Variants in CEMIP2 observed in about 807,000 individuals in gnomAD.
CEMIP2 encodes the protein cell migration inducing hyaluronidase 2, also known as cell surface hyaluronidase CEMIP2.
In CEMIP2, 79 loss-of-function variants were observed where a neutral mutation model predicts 146.9. The ratio of observed to expected loss-of-function variants is 0.54; its 90% CI spans 0.45 to 0.65. The LOEUF is 0.65. CEMIP2 is among the 30% of genes least tolerant of loss of function. The pLI, the probability that CEMIP2 is intolerant of heterozygous loss-of-function variation, is 0.00. For synonymous variants in CEMIP2, 601 were observed against 606.3 expected (o/e 0.99, Z 0.13); for missense variants, 1,596 against 1,696.2 (o/e 0.94, Z 1.04).
At chr9:71,768,179 G>C (rs890216581) in intron 1 of CEMIP2, among the ~76,000 whole-genome samples, 178 bp downstream of exon 1, 1 of 152,196 alleles carries the variant, frequency 6.6e-6, no homozygotes, top group African/African-American at 2.4e-5. Flanking sequence ...GGAGGCGCAC[G>C]GGGGAAGGGC....
At chr9:71,730,558 C>G (rs938342464) in intron 8 of CEMIP2, 147 bp downstream of exon 8, 21 of 816,388 alleles carry the variant, frequency 2.6e-5, no homozygotes, top group Non-Finnish European at 3.5e-5. Context: ...TTCCTTCAGA[C>G]AGAAAAATCG....
chr9:71,692,803 T>C (rs1822271019), intron 21 of CEMIP2, among the ~76,000 whole-genome samples: 1 of 152,030 alleles, frequency 6.6e-6, no homozygotes. Flanking sequence ...TAGTCCCAGC[T>C]ACGTGGGAGG....
intron 6 of CEMIP2, among the ~76,000 whole-genome samples, chr9:71,732,935 C>T (rs1421521511): frequency 6.6e-6 from 1 of 152,030 alleles, no homozygotes; most frequent in Non-Finnish European, 1.5e-5. Flanking sequence ...TGACAGAAAG[C>T]TTGTTCCTTC....
In CEMIP2 at chr9:71,745,592, C is replaced by A; in HGVS notation, c.473-13G>T. On this transcript the variant is annotated splice_polypyrimidine_tract_variant and intron_variant, in intron 3 of 23. Transcript: ENST00000377044. ...AATACAAGCAGTCCTGCAGGGAACA[C>A]CACCCTGTAAGCCAACTTCTAAATC... 6.4e-7 allele frequency: 1 copy of A among 1,564,838 alleles called. No homozygotes were observed. Among genetic ancestry groups the A allele is most frequent in the South Asian group, 1.2e-5 (1 of 86,212 alleles).
intron 7 of CEMIP2, 50 bp from the exon 8 acceptor site, chr9:71,730,964 G>A (rs1489937949): frequency 4.1e-6 from 6 of 1,476,862 alleles, no homozygotes; most frequent in South Asian, 2.3e-5. Flanking sequence ...GAATAGGGAA[G>A]TAGCAAAAAA....
Position 71,694,504 on chromosome 9 carries a change from C to G in CEMIP2, c.3696+5G>C. ...CAGACTAAGACAACACCAGATGGTA[C>G]TTACAGAAATAACAGACGGGTCTCC... On this transcript the variant is annotated splice_donor_5th_base_variant and intron_variant, in intron 21 of 23. Coordinates refer to ENST00000377044, the MANE Select transcript of CEMIP2 (RefSeq NM_013390.3). 6.2e-7 allele frequency: 1 copy of G among 1,608,676 alleles called. No individual in the cohort carries two copies. The highest frequency in any genetic ancestry group is 8.5e-7 in the Non-Finnish European group (1 of 1,175,388).
intron 17 of CEMIP2, among the ~76,000 whole-genome samples, chr9:71,705,711 A>G (rs1303605926): frequency 1.3e-5 from 2 of 150,018 alleles, no homozygotes; most frequent in African/African-American, 2.4e-5. Context: ...TATATACTCA[A>G]TATATAATAT....
At chr9:71,697,053 T>G (rs1421933396) in intron 20 of CEMIP2, among the ~76,000 whole-genome samples, 1 of 152,198 alleles carries the variant, frequency 6.6e-6, no homozygotes, top group Non-Finnish European at 1.5e-5. Context: ...TCAGTGGAAC[T>G]CAAATGTGAA....
intron 17 of CEMIP2, among the ~76,000 whole-genome samples, chr9:71,706,672 T>C (rs1822750313): frequency 6.6e-6 from 1 of 152,176 alleles, no homozygotes; most frequent in South Asian, 2.1e-4. Context: ...GAAACATTTA[T>C]GATCACTTAA....
chr9:71,685,921 T>C, intron 22 of CEMIP2, 75 bp from the exon 23 acceptor site: 1 of 997,824 alleles, frequency 1.0e-6, no homozygotes, highest in East Asian at 2.4e-5. Flanking sequence ...AGTATCTTTC[T>C]GAACTGACTG....
At chr9:71,739,190 C>T (rs1823844555) in intron 5 of CEMIP2, among the ~76,000 whole-genome samples, 1 of 150,304 alleles carries the variant, frequency 6.7e-6, no homozygotes, top group Non-Finnish European at 1.5e-5. Flanking sequence ...ATGTAAATAA[C>T]ATTTCCTACA....
intron 18 of CEMIP2, among the ~76,000 whole-genome samples, chr9:71,702,715 T>G (rs1822607815): frequency 6.6e-6 from 1 of 152,216 alleles, no homozygotes; most frequent in African/African-American, 2.4e-5. Context: ...TAAAAAATTG[T>G]CCATCTCTTC....
At chr9:71,703,016 G>C (rs1049720455) in intron 18 of CEMIP2, among the ~76,000 whole-genome samples, 1 of 152,176 alleles carries the variant, frequency 6.6e-6, no homozygotes. Context: ...ACAATTGTTT[G>C]TTTCTTTCAT....
Position 71,709,408 on chromosome 9 carries a change from T to C in CEMIP2, c.2836A>G (p.Lys946Glu). Residue 946 changes from lysine (K) to glutamate (E), a missense_variant, in exon 17 of 24, where the codon AAG becomes GAG. Physicochemically the swap from Lys to Glu is moderately conservative, Grantham distance 56. Coordinates refer to ENST00000377044, the MANE Select transcript of CEMIP2 (RefSeq NM_013390.3). ...WFEDCEMDGD[K>E]NSIFHDIDGS... is the part of the protein sequence containing the mutation. ...TCAATGTCATGGAATATGGAGTTCT[T>C]ATCACCATCCATCTCACAATCTTCA... 6.2e-7 allele frequency: 1 copy of C among 1,614,172 alleles called. No homozygotes were observed. Among genetic ancestry groups the C allele is most frequent in the Non-Finnish European group, 8.5e-7 (1 of 1,180,016 alleles).
In CEMIP2 at chr9:71,684,106, T is replaced by C. The variant is rs781484552; in HGVS notation, c.*1091A>G. ...TCATTAAGTAAGAGTGACTCATTCCTGCAAGGCTTTAAAGAGGTTCATTTC... is the reference window on the plus strand; with the variant it reads ...TCATTAAGTAAGAGTGACTCATTCCCGCAAGGCTTTAAAGAGGTTCATTTC... On this transcript the variant is annotated 3_prime_UTR_variant, in exon 24 of 24. Transcript: ENST00000377044. The C allele has an allele frequency of 3.9e-5, 6 of 152,242 alleles. No individual in the cohort carries two copies. Among genetic ancestry groups the C allele is most frequent in the Non-Finnish European group, 7.3e-5 (5 of 68,058 alleles). The allele number at this position is 152,242 out of a possible 1,614,324, so 9.4% of individuals were successfully genotyped here.
chr9:71,683,540 A>ACATG lies in CEMIP2; in HGVS notation c.*1656_*1657insCATG, dbSNP rs1821964713. 1 of 52,918 alleles carries ACATG rather than the reference A, an allele frequency of 1.9e-5. No individual in the cohort carries two copies. Among genetic ancestry groups the ACATG allele is most frequent in the Non-Finnish European group, 3.4e-5 (1 of 29,222 alleles). 3.3% of individuals were successfully genotyped at this position (52,918 alleles called of 1,614,324 possible). A position where few individuals can be genotyped will look rare whatever the true frequency, so the allele number is the denominator to read the frequency against. ...ATAAAACACACACACACACACACAC[A>ACATG]CACACACACACTCTAATGACCTTCA... On this transcript the variant is annotated 3_prime_UTR_variant, in exon 24 of 24. Transcript: ENST00000377044.
At chr9:71,765,945 G>C (rs376796059) in intron 1 of CEMIP2, among the ~76,000 whole-genome samples, 1 of 152,290 alleles carries the variant, frequency 6.6e-6, no homozygotes, top group South Asian at 2.1e-4. Flanking sequence ...TGGATGGTGG[G>C]TGGGTGAATG....
At position 71,750,040 on chromosome 9, in the gene CEMIP2, T is replaced by C. The variant is rs779175991; in HGVS notation, c.331+3A>G. Reference sequence around the variant, plus strand: ...TGTTCTATGTGCATATACACACACTTACCATCTGGAGCATATTTTGAGGAT... The same window carrying C: ...TGTTCTATGTGCATATACACACACTCACCATCTGGAGCATATTTTGAGGAT... On this transcript the variant is annotated splice_donor_region_variant and intron_variant, in intron 2 of 23. Transcript: ENST00000377044. The C allele has an allele frequency of 6.3e-7, 1 of 1,591,716 alleles. No individual in the cohort carries two copies. Among genetic ancestry groups the C allele is most frequent in the Non-Finnish European group, 8.6e-7 (1 of 1,168,660 alleles).
At chr9:71,760,534 T>C (rs62544888) in intron 1 of CEMIP2, among the ~76,000 whole-genome samples, 9,612 of 151,426 alleles carry the variant, frequency 0.063, 655 homozygotes, top group South Asian at 0.18. Context: ...TAATCCTATC[T>C]TTTTCCAACG....
Sources: allele counts gnomAD v4.1 joint callset (sites outside exome capture counted in the v4.1 genomes callset), GRCh38; gene constraint gnomAD v4.1.1; transcripts MANE v1.5; gene names NCBI Gene and HGNC (gene_info 2026-07-23, HGNC 2026-07-21).